The following TBC1D22A variants were observed in gnomAD, a reference collection of about 807,000 sequenced individuals.
TBC1D22A encodes putative GTPase activator.
Under a neutral mutation model 60.2 loss-of-function variants are expected in TBC1D22A, and 38 were observed. That is an observed-to-expected ratio of 0.63 (90% CI 0.49 to 0.83). TBC1D22A has a LOEUF of 0.83. Among genes scored for constraint, TBC1D22A ranks in the 40% least tolerant of loss-of-function variants. The pLI is 0.00. For synonymous variants in TBC1D22A, 302 were observed against 281.7 expected, an observed-to-expected ratio of 1.07 and a Z score of -0.72; for missense variants, 628 against 701.0, an observed-to-expected ratio of 0.90 and a Z score of 1.18.
At chr22:46,870,865 C>T (rs1010671661) in intron 4 of TBC1D22A, among the ~76,000 whole-genome samples, 1 of 152,128 alleles carries the variant, frequency 6.6e-6, no homozygotes, top group African/African-American at 2.4e-5. Context: ...TTACTCATGA[C>T]CTAAACACCT....
chr22:47,002,826 CATGGGTCA>C (rs2061444113), intron 10 of TBC1D22A, among the ~76,000 whole-genome samples: 1 of 152,162 alleles, frequency 6.6e-6, no homozygotes, highest in African/African-American at 2.4e-5. Flanking sequence ...GGGAGGCCCT[CATGGGTCA>C]GGAGGAGCTG....
chr22:46,898,539 T>TAAATGCAGA (rs2068807722), intron 7 of TBC1D22A, among the ~76,000 whole-genome samples: 2 of 152,074 alleles, frequency 1.3e-5, no homozygotes, highest in Non-Finnish European at 2.9e-5. Context: ...CTGCATTTTT[T>TAAATGCAGA]TTTTAACCTA....
intron 12 of TBC1D22A, among the ~76,000 whole-genome samples, chr22:47,133,195 C>G (rs1192713459): frequency 4.6e-5 from 7 of 152,214 alleles, no homozygotes; most frequent in Non-Finnish European, 1.0e-4. Flanking sequence ...CAGCGGTTCC[C>G]AAGTGTGCAC....
intron 11 of TBC1D22A, among the ~76,000 whole-genome samples, chr22:47,067,972 A>G (rs1427269994): frequency 6.6e-6 from 1 of 152,212 alleles, no homozygotes; most frequent in South Asian, 2.1e-4. Flanking sequence ...GACATAACAG[A>G]CTGACAAGCA....
intron 12 of TBC1D22A, among the ~76,000 whole-genome samples, chr22:47,122,046 A>G (rs2066289677): frequency 6.6e-6 from 1 of 152,220 alleles, no homozygotes. Context: ...AACACAGAGC[A>G]CACAGGCCCA....
In TBC1D22A at chr22:46,820,943, CTCT is replaced by C. The variant is rs558341757; in HGVS notation, c.637+23328_637+23330del. Among the ~76,000 whole-genome samples the C allele has an allele frequency of 7.5e-3, 1,145 of 152,192 alleles. 10 individuals carry two copies. The highest frequency in any genetic ancestry group is 0.012 in the Non-Finnish European group (828 of 68,018). On this transcript the variant is annotated intron_variant, in intron 4 of 12. Transcript: ENST00000337137. The stretch of plus-strand genomic sequence containing the variant: ...TTGCTTATATATTCAGAATAGTTAG[CTCT>C]TCTTGTTGAATTCTTCCCTTTATCA...
At chr22:46,951,769 A>C (rs1448371262) in intron 8 of TBC1D22A, among the ~76,000 whole-genome samples, 1 of 152,228 alleles carries the variant, frequency 6.6e-6, no homozygotes, top group Non-Finnish European at 1.5e-5. Flanking sequence ...GTGCTGCCGG[A>C]AGCAGAAGGC....
rs144396680 is a variant in TBC1D22A at position 47,132,098 on chromosome 22, T to C, written c.1425+20495T>C. On this transcript the variant is annotated intron_variant, in intron 12 of 12. Coordinates refer to ENST00000337137, the MANE Select transcript of TBC1D22A (RefSeq NM_014346.5). ...TCTGCACATACATCCTTGAGGGCCA[T>C]GATCAAACAAGCTGTGAGACGCCAG... Among the ~76,000 whole-genome samples the C allele has an allele frequency of 5.5e-3, 843 of 152,262 alleles. 26 individuals are homozygous for C. Among genetic ancestry groups the C allele is most frequent in the Admixed American group, 0.047 (713 of 15,294 alleles).
At chr22:46,888,241 G>A (rs1239698354) in intron 5 of TBC1D22A, among the ~76,000 whole-genome samples, 1 of 152,218 alleles carries the variant, frequency 6.6e-6, no homozygotes, top group Non-Finnish European at 1.5e-5. Flanking sequence ...GCTTAGCCCA[G>A]TTAAGACCTG....
At chr22:46,963,702 A>G (rs367984545) in intron 8 of TBC1D22A, among the ~76,000 whole-genome samples, 1 of 152,168 alleles carries the variant, frequency 6.6e-6, no homozygotes, top group Non-Finnish European at 1.5e-5. Context: ...CGGGCAGGAC[A>G]TGGGGTCTTT....
At chr22:47,144,483 G>A (rs1420733377) in intron 12 of TBC1D22A, among the ~76,000 whole-genome samples, 3 of 152,252 alleles carry the variant, frequency 2.0e-5, no homozygotes, top group African/African-American at 7.2e-5. Flanking sequence ...AAGGCGGTCT[G>A]TGTGACTGCA....
chr22:46,904,474 A>ATTTTTT lies in TBC1D22A; in HGVS notation c.901-7593_901-7588dup, dbSNP rs34401577. Among the ~76,000 whole-genome samples, 1,021 of 146,966 alleles carry ATTTTTT rather than the reference A, an allele frequency of 6.9e-3. 8 individuals are homozygous for ATTTTTT. Among genetic ancestry groups the ATTTTTT allele is most frequent in the African/African-American group, 0.024 (966 of 39,532 alleles). On this transcript the variant is annotated intron_variant, in intron 7 of 12. Coordinates refer to ENST00000337137, the MANE Select transcript of TBC1D22A (RefSeq NM_014346.5). ...TGCTGGTGACCAGGATGAAAAACGA[A>ATTTTTT]TTTTTTTTTTTTGAGACGGAGTCTT...
chr22:46,773,127 G>T (rs2083560190), intron 1 of TBC1D22A, among the ~76,000 whole-genome samples: 1 of 152,184 alleles, frequency 6.6e-6, no homozygotes, highest in African/African-American at 2.4e-5. Flanking sequence ...TTCTCTGGCA[G>T]GCTCAGCATC....
At chr22:47,134,206 G>C (rs1289118977) in intron 12 of TBC1D22A, among the ~76,000 whole-genome samples, 1 of 152,228 alleles carries the variant, frequency 6.6e-6, no homozygotes, top group African/African-American at 2.4e-5. Flanking sequence ...TCCCATTGGT[G>C]GTGTTTGATA....
chr22:47,071,813 G>A (rs1312013798), intron 11 of TBC1D22A, among the ~76,000 whole-genome samples: 2 of 152,154 alleles, frequency 1.3e-5, no homozygotes, highest in African/African-American at 2.4e-5. Flanking sequence ...TCAATATGAT[G>A]CAGACATCAA....
chr22:46,965,148 G>T (rs1023380857), intron 8 of TBC1D22A, among the ~76,000 whole-genome samples: 10 of 152,370 alleles, frequency 6.6e-5, no homozygotes, highest in African/African-American at 2.4e-4. Context: ...TTAGCACTTT[G>T]GGATGCTAGC....
At chr22:46,898,993 A>G (rs1169342059) in intron 7 of TBC1D22A, among the ~76,000 whole-genome samples, 2 of 152,154 alleles carry the variant, frequency 1.3e-5, no homozygotes, top group Non-Finnish European at 2.9e-5. Context: ...GTCCCAGTTC[A>G]GCAAGGCTTG....
At chr22:46,904,142 T>TACCTACCTACCTAC (rs2069247452) in intron 7 of TBC1D22A, among the ~76,000 whole-genome samples, 70 of 134,556 alleles carry the variant, frequency 5.2e-4, no homozygotes, top group African/African-American at 2.0e-3. Flanking sequence ...TATCTATCTA[T>TACCTACCTACCTAC]CTACCTACCT....
At chr22:47,136,192 C>T (rs962767888) in intron 12 of TBC1D22A, among the ~76,000 whole-genome samples, 7 of 152,334 alleles carry the variant, frequency 4.6e-5, no homozygotes, top group East Asian at 1.9e-4. Context: ...GTGCCAGCTG[C>T]GGTGGGGGCC....
Sources: gnomAD v4.1 joint callset for allele counts (sites outside exome capture counted in the v4.1 genomes callset) on GRCh38, gnomAD v4.1.1 for gene constraint, MANE v1.5 for transcripts, NCBI Gene and HGNC (gene_info 2026-07-23, HGNC 2026-07-21) for gene names.